Variants in PARN observed in about 807,000 individuals in gnomAD.
PARN encodes the protein poly(A)-specific ribonuclease, also known as poly(A)-specific ribonuclease PARN.
A neutral mutation model predicts 102.8 loss-of-function variants in PARN; 71 were observed. That is an observed-to-expected ratio of 0.69 (90% CI 0.57 to 0.84). PARN has a LOEUF of 0.84. PARN is among the 40% of genes least tolerant of loss of function. The pLI is 0.00. For missense variants in PARN, 782 were observed against 760.9 expected (o/e 1.03, Z -0.33); for synonymous variants, 261 against 252.9 (o/e 1.03, Z -0.30).
chr16:14,606,813 T>C (rs913138867), intron 9 of PARN, among the ~76,000 whole-genome samples: 55 of 150,680 alleles, frequency 3.7e-4, no homozygotes, highest in Non-Finnish European at 7.4e-4. Flanking sequence ...CAAGAGTCTC[T>C]CTCTGTCGCC....
intron 18 of PARN, among the ~76,000 whole-genome samples, chr16:14,567,803 C>T (rs568024658): frequency 6.6e-6 from 1 of 152,196 alleles, no homozygotes; most frequent in Non-Finnish European, 1.5e-5. Flanking sequence ...AATCACACAG[C>T]CTCACCAGCG....
chr16:14,561,840 TAAATA>T (rs1968087118), intron 18 of PARN, among the ~76,000 whole-genome samples: 1 of 152,130 alleles, frequency 6.6e-6, no homozygotes, highest in Admixed American at 6.5e-5. Flanking sequence ...GAACAAACCA[TAAATA>T]AAATACGTAG....
At chr16:14,506,389 T>C (rs530485705) in intron 21 of PARN, among the ~76,000 whole-genome samples, 5 of 152,224 alleles carry the variant, frequency 3.3e-5, no homozygotes, top group Admixed American at 6.5e-5. Context: ...TTGGGGAAAT[T>C]TGATTACAGC....
At chr16:14,580,128 T>C (rs1391422262) in intron 18 of PARN, among the ~76,000 whole-genome samples, 1 of 152,112 alleles carries the variant, frequency 6.6e-6, no homozygotes, top group Non-Finnish European at 1.5e-5. Flanking sequence ...CCCGCCACCG[T>C]GCCGGCTAAT....
intron 21 of PARN, among the ~76,000 whole-genome samples, chr16:14,509,721 G>T (rs1218057003): frequency 6.6e-6 from 1 of 152,102 alleles, no homozygotes; most frequent in East Asian, 1.9e-4. Context: ...AACAAGTACT[G>T]GGGCAAAGTG....
intron 5 of PARN, among the ~76,000 whole-genome samples, chr16:14,620,413 A>C (rs927383124): frequency 6.6e-6 from 1 of 152,226 alleles, no homozygotes; most frequent in Non-Finnish European, 1.5e-5. Flanking sequence ...TTAAGTGAAC[A>C]ATACTATAGA....
intron 6 of PARN, among the ~76,000 whole-genome samples, chr16:14,615,644 T>C (rs1971846771): frequency 6.6e-6 from 1 of 152,110 alleles, no homozygotes; most frequent in African/African-American, 2.4e-5. Flanking sequence ...CTCATGCCTG[T>C]AATCCCAGCA....
intron 10 of PARN, 85 bp downstream of exon 10, chr16:14,606,399 A>G: frequency 1.4e-6 from 1 of 725,086 alleles, no homozygotes; most frequent in Non-Finnish European, 2.2e-6. Flanking sequence ...CCCTGAGGGA[A>G]AAAAAAAAAG....
intron 18 of PARN, among the ~76,000 whole-genome samples, chr16:14,562,433 GAAAAA>G (rs537258868): frequency 3.4e-5 from 2 of 58,508 alleles, no homozygotes; most frequent in East Asian, 9.7e-4. Context: ...ACTCTGTCTC[GAAAAA>G]AAAAAAAAAA....
chr16:14,617,410 G>A (rs1486833485), intron 6 of PARN, among the ~76,000 whole-genome samples, 180 bp downstream of exon 6: 10 of 149,108 alleles, frequency 6.7e-5, no homozygotes, highest in Admixed American at 6.1e-4. Flanking sequence ...AAAAATCACA[G>A]TAAGCAAGTT....
chr16:14,565,994 C>T (rs531582109), intron 18 of PARN, among the ~76,000 whole-genome samples: 17 of 152,232 alleles, frequency 1.1e-4, no homozygotes, highest in Non-Finnish European at 1.8e-4. Context: ...AAATTAAATG[C>T]TAAATAGTCT....
chr16:14,596,564 C>CT (rs1970525961), intron 12 of PARN, among the ~76,000 whole-genome samples: 1 of 151,450 alleles, frequency 6.6e-6, no homozygotes, highest in African/African-American at 2.4e-5. Context: ...AGGAAGACCC[C>CT]TTCTCCACAA....
At chr16:14,493,212 T>G in intron 21 of PARN, among the ~76,000 whole-genome samples, 1 of 152,138 alleles carries the variant, frequency 6.6e-6, no homozygotes, top group South Asian at 2.1e-4. Flanking sequence ...CATTCATTCA[T>G]TTATTATTTA....
Position 14,584,394 on chromosome 16 carries a change from T to C in PARN, c.1034A>G (p.Glu345Gly), listed in dbSNP as rs746068090. 1 of 1,613,446 alleles carries C rather than the reference T, an allele frequency of 6.2e-7. No homozygotes were observed. Among genetic ancestry groups the C allele is most frequent in the South Asian group, 1.1e-5 (1 of 91,066 alleles). Residue 345 changes from glutamate to glycine, a missense_variant, in exon 16 of 24, where the codon GAA (glutamate) becomes GGA (glycine). Glu to Gly is a moderately conservative substitution (Grantham distance 98). Transcript: ENST00000437198. ...TGTCTCTTTTAACCGCTTTTCCAATTCCGCAAGGGATGTGTTGTTAATGAT... is the reference window on the plus strand; with the variant it reads ...TGTCTCTTTTAACCGCTTTTCCAATCCCGCAAGGGATGTGTTGTTAATGAT... The part of the protein sequence containing the change: ...KDIINNTSLA[E>G]LEKRLKETPF...
At chr16:14,508,371 C>A (rs1965004659) in intron 21 of PARN, among the ~76,000 whole-genome samples, 1 of 149,462 alleles carries the variant, frequency 6.7e-6, no homozygotes, top group Non-Finnish European at 1.5e-5. Flanking sequence ...CATCTCTACA[C>A]CATAAAAAAT....
intron 18 of PARN, 88 bp from the exon 19 acceptor site, chr16:14,555,797 A>C: frequency 1.7e-6 from 1 of 588,064 alleles, no homozygotes; most frequent in Non-Finnish European, 3.0e-6. Context: ...AGAAAAAAAA[A>C]ATTTTAATAG....
At chr16:14,566,955 C>T (rs1366564129) in intron 18 of PARN, among the ~76,000 whole-genome samples, 1 of 152,186 alleles carries the variant, frequency 6.6e-6, no homozygotes, top group Admixed American at 6.5e-5. Flanking sequence ...CAACTTGAGG[C>T]AAGCAGTCCC....
At chr16:14,454,107 G>A (rs1046749429) in intron 22 of PARN, among the ~76,000 whole-genome samples, 7 of 152,114 alleles carry the variant, frequency 4.6e-5, no homozygotes, top group South Asian at 2.1e-4. Context: ...CTGAATTGCC[G>A]AGTATATATT....
intron 21 of PARN, among the ~76,000 whole-genome samples, chr16:14,500,105 G>C (rs1450101999): frequency 6.6e-6 from 1 of 152,132 alleles, no homozygotes; most frequent in African/African-American, 2.4e-5. Flanking sequence ...ACTCAGGCTG[G>C]AGTGTAGTAG....
Sources: allele counts gnomAD v4.1 joint callset (sites outside exome capture counted in the v4.1 genomes callset), GRCh38; gene constraint gnomAD v4.1.1; transcripts MANE v1.5; gene names NCBI Gene and HGNC (gene_info 2026-07-23, HGNC 2026-07-21).